The following INPP4A variants were observed in gnomAD, a reference collection of about 807,000 sequenced individuals.
INPP4A encodes inositol polyphosphate-4-phosphatase type I A.
A neutral mutation model predicts 119.8 loss-of-function variants in INPP4A; 33 were observed. The observed-to-expected ratio is 0.28, with a 90% confidence interval of 0.21 to 0.37. The LOEUF (loss-of-function observed/expected upper bound fraction) is 0.37, where lower values mean the gene tolerates loss of function less well. Among genes scored for constraint, INPP4A ranks in the 10% least tolerant of loss-of-function variants. The pLI is 1.00. For synonymous variants in INPP4A, 496 were observed against 500.7 expected, an observed-to-expected ratio of 0.99 and a Z score of 0.12; for missense variants, 956 against 1,289.9, an observed-to-expected ratio of 0.74 and a Z score of 3.97.
At chr2:98,448,704 T>G (rs1329469105) in intron 1 of INPP4A, among the ~76,000 whole-genome samples, 4 of 137,658 alleles carry the variant, frequency 2.9e-5, no homozygotes, top group Admixed American at 7.4e-5. Flanking sequence ...TCTCTCTCTC[T>G]CTCTCTTTTT....
chr2:98,498,075 G>A (rs1682391231), intron 1 of INPP4A, among the ~76,000 whole-genome samples: 1 of 152,142 alleles, frequency 6.6e-6, no homozygotes, highest in Non-Finnish European at 1.5e-5. Flanking sequence ...GACTTTGGGG[G>A]ACTGTTGGGA....
intron 1 of INPP4A, among the ~76,000 whole-genome samples, chr2:98,511,187 G>A (rs1685066102): frequency 6.6e-6 from 1 of 152,090 alleles, no homozygotes; most frequent in Non-Finnish European, 1.5e-5. Flanking sequence ...AGCCTCCCAA[G>A]TAGCTGGGAC....
chr2:98,555,414 T>C lies in INPP4A; in HGVS notation c.1567-139T>C. 10 of 892,420 alleles carry C rather than the reference T, an allele frequency of 1.1e-5. No homozygotes were observed. The South Asian group carries it at 2.1e-4, about 19-fold the overall frequency. 55.3% of individuals were successfully genotyped at this position (892,420 alleles called of 1,614,324 possible). On this transcript the variant is annotated intron_variant, in intron 15 of 24. Transcript: ENST00000409851. ...CTTTAGTGGGGAATTAGGAATCATC[T>C]TTATATTTCTAAACTTTGAGGTATT...
At chr2:98,551,455 G>A (rs951896054) in intron 13 of INPP4A, among the ~76,000 whole-genome samples, 1 of 152,174 alleles carries the variant, frequency 6.6e-6, no homozygotes, top group Non-Finnish European at 1.5e-5. Flanking sequence ...ACTGTGGCGT[G>A]TGGGCTTGTG....
intron 10 of INPP4A, among the ~76,000 whole-genome samples, chr2:98,540,895 C>T (rs184703789): frequency 6.5e-4 from 99 of 152,310 alleles, no homozygotes; most frequent in African/African-American, 2.2e-3. Flanking sequence ...GTTATTTCTC[C>T]TCCTTGTCCT....
In INPP4A at chr2:98,520,053, C is replaced by T; in HGVS notation, c.5C>T (p.Thr2Ile). The change falls in exon 3 of 25, where the codon ACA becomes ATA. Residue 2 changes from threonine to isoleucine, a missense_variant. Coordinates refer to ENST00000409851, the MANE Select transcript of INPP4A (RefSeq NM_001134225.2). ...CACATCATCACCAATGACATCATGA[C>T]AGCAAGAGAGCACAGCCCTCGCCAT... MTAREHSPRHGA... is the reference protein window; with the variant it reads MIAREHSPRHGA... 6.3e-7 allele frequency: 1 copy of T among 1,580,740 alleles called. No homozygotes were observed.
rs763797391 is a variant in INPP4A, at chr2:98,587,433, C to T, written c.2787-43C>T. 8 of 1,514,916 alleles carry T rather than the reference C, an allele frequency of 5.3e-6. No individual in the cohort carries two copies. In the Admixed American group the frequency reaches 1.0e-4, roughly 19 times the overall value. The allele number at this position is 1,514,916 out of a possible 1,614,324, so 93.8% of individuals were successfully genotyped here. A position where few individuals can be genotyped will look rare whatever the true frequency, so the allele number is the denominator to read the frequency against. On this transcript the variant is annotated intron_variant, in intron 24 of 24. Coordinates refer to ENST00000409851, the MANE Select transcript of INPP4A (RefSeq NM_001134225.2). The stretch of plus-strand genomic sequence containing the variant: ...TCTTAGTTTAAGTCTTTTCTTTTTT[C>T]CTTTTTTACTGCCGTCATTTCTTGT...
rs572894162 is a variant in INPP4A at position 98,535,855 on chromosome 2, T to C, written c.387+10T>C. 110 of 1,306,580 alleles carry C rather than the reference T, an allele frequency of 8.4e-5. 1 individual carries two copies. In the South Asian group the frequency reaches 1.2e-3, roughly 15 times the overall value. 80.9% of individuals were successfully genotyped at this position (1,306,580 alleles called of 1,614,324 possible). ...TAGATCTCAGGGAACAGTTAAGTAATGTGTTGTAGTTCGTGGGATTTTCTT... is the reference window on the plus strand; with the variant it reads ...TAGATCTCAGGGAACAGTTAAGTAACGTGTTGTAGTTCGTGGGATTTTCTT... On this transcript the variant is annotated intron_variant, in intron 6 of 24. Transcript: ENST00000409851.
intron 22 of INPP4A, 23 bp from the exon 23 acceptor site, chr2:98,572,792 C>T: frequency 1.3e-6 from 2 of 1,524,000 alleles, no homozygotes; most frequent in Non-Finnish European, 8.8e-7. Flanking sequence ...CACCCACTCC[C>T]ACGAACTCCT....
At chr2:98,550,427 T>C (rs1027163432) in intron 13 of INPP4A, among the ~76,000 whole-genome samples, 4 of 152,188 alleles carry the variant, frequency 2.6e-5, no homozygotes, top group Non-Finnish European at 5.9e-5. Flanking sequence ...TGACTGTTGC[T>C]CAGCAGTTAC....
rs577103702 is a variant in INPP4A, at chr2:98,593,975, T to C, written c.*6367T>C. On this transcript the variant is annotated 3_prime_UTR_variant, in exon 25 of 25. Coordinates refer to ENST00000409851, the MANE Select transcript of INPP4A (RefSeq NM_001134225.2). Reference sequence around the variant, plus strand: ...TATGAAGATTCTTTCATGCATGTCCTGTCCACTGTCAGTCCCCTCTGTATT... The same window carrying C: ...TATGAAGATTCTTTCATGCATGTCCCGTCCACTGTCAGTCCCCTCTGTATT... The C allele has an allele frequency of 6.6e-6, 1 of 152,372 alleles. No individual in the cohort carries two copies. The highest frequency in any genetic ancestry group is 2.1e-4 in the South Asian group (1 of 4,828). The allele number at this position is 152,372 out of a possible 1,614,324, so 9.4% of individuals were successfully genotyped here.
At position 98,589,016 on chromosome 2, in the gene INPP4A, A is replaced by G. The variant is rs924508653; in HGVS notation, c.*1408A>G. Reference sequence around the variant, plus strand: ...TGGGGAGGACTGCTTATTGGCAGGAACACAGAGGGGGTGGGCATCAGGTAG... The same window carrying G: ...TGGGGAGGACTGCTTATTGGCAGGAGCACAGAGGGGGTGGGCATCAGGTAG... On this transcript the variant is annotated 3_prime_UTR_variant, in exon 25 of 25. Coordinates refer to ENST00000409851, the MANE Select transcript of INPP4A (RefSeq NM_001134225.2). 2 of 183,510 alleles carry G rather than the reference A, an allele frequency of 1.1e-5. No individual in the cohort carries two copies. The highest frequency in any genetic ancestry group is 2.3e-5 in the Non-Finnish European group (2 of 86,472). 11.4% of individuals were successfully genotyped at this position (183,510 alleles called of 1,614,324 possible).
chr2:98,528,224 A>G (rs1452987339), intron 4 of INPP4A, among the ~76,000 whole-genome samples: 1 of 152,142 alleles, frequency 6.6e-6, no homozygotes, highest in African/African-American at 2.4e-5. Context: ...TCTAAATACA[A>G]ATTCTGGAGT....
chr2:98,593,508 T>C lies in INPP4A; in HGVS notation c.*5900T>C, dbSNP rs1289170349. The C allele has an allele frequency of 6.6e-6, 1 of 152,274 alleles. No individual in the cohort carries two copies. Among genetic ancestry groups the C allele is most frequent in the African/African-American group, 2.4e-5 (1 of 41,464 alleles). The allele number at this position is 152,274 out of a possible 1,614,324, so 9.4% of individuals were successfully genotyped here. A position where few individuals can be genotyped will look rare whatever the true frequency, so the allele number is the denominator to read the frequency against. ...TTAAGATGATCTTCCTGAAAAATCT[T>C]ACACATTCCTGTTGAACAAATGGTC... On this transcript the variant is annotated 3_prime_UTR_variant, in exon 25 of 25. Transcript: ENST00000409851.
chr2:98,561,266 T>C (rs1226842187), intron 17 of INPP4A, among the ~76,000 whole-genome samples: 2 of 152,232 alleles, frequency 1.3e-5, no homozygotes, highest in Non-Finnish European at 2.9e-5. Flanking sequence ...GTCAGCGACG[T>C]CACTCAGGAC....
chr2:98,543,481 C>T (rs968842574), intron 10 of INPP4A, among the ~76,000 whole-genome samples: 6 of 152,146 alleles, frequency 3.9e-5, no homozygotes, highest in African/African-American at 9.7e-5. Flanking sequence ...CTCTCTGTTC[C>T]GGGAGGATCA....
intron 8 of INPP4A, among the ~76,000 whole-genome samples, chr2:98,538,617 C>T (rs979539475): frequency 2.6e-5 from 4 of 152,232 alleles, no homozygotes; most frequent in African/African-American, 9.7e-5. Context: ...ATCATCTATT[C>T]TCTTCCTTTT....
At chr2:98,581,557 A>G (rs1467214247) in intron 24 of INPP4A, 6 of 1,488,696 alleles carry the variant, frequency 4.0e-6, no homozygotes, top group Non-Finnish European at 5.3e-6. Flanking sequence ...CTTTCTCCCA[A>G]ACTTTTTCCT....
intron 1 of INPP4A, among the ~76,000 whole-genome samples, chr2:98,455,461 C>T (rs1392203673): frequency 6.6e-6 from 1 of 152,140 alleles, no homozygotes; most frequent in African/African-American, 2.4e-5. Context: ...TAGACTGTGC[C>T]CACCTCAGGT....
Sources: gnomAD v4.1 joint callset for allele counts (sites outside exome capture counted in the v4.1 genomes callset) on GRCh38, gnomAD v4.1.1 for gene constraint, MANE v1.5 for transcripts, NCBI Gene and HGNC (gene_info 2026-07-23, HGNC 2026-07-21) for gene names.